Variants in ABCA8 observed in about 807,000 individuals in gnomAD.
ABCA8 encodes ATP binding cassette subfamily A member 8, also known as ABC-type organic anion transporter ABCA8.
ABCA8 carries 177 observed loss-of-function variants against 192.3 expected under a neutral mutation model. That is an observed-to-expected ratio of 0.92 (90% confidence interval 0.81 to 1.04). ABCA8 has a LOEUF of 1.04. ABCA8 is among the 50% of genes least tolerant of loss of function. The pLI is 0.00. For synonymous variants in ABCA8, 642 were observed against 690.2 expected, an observed-to-expected ratio of 0.93 and a Z score of 1.09; for missense variants, 1,915 against 1,904.8, an observed-to-expected ratio of 1.01 and a Z score of -0.10.
intron 4 of ABCA8, among the ~76,000 whole-genome samples, chr17:68,939,335 C>G (rs765112615): frequency 6.6e-6 from 1 of 152,118 alleles, no homozygotes; most frequent in Non-Finnish European, 1.5e-5. Context: ...ATTTGGGATA[C>G]TTCCCTTCCT....
At chr17:68,887,911 T>TATATATATATCC (rs1555607400) in intron 24 of ABCA8, among the ~76,000 whole-genome samples, 4 of 19,958 alleles carry the variant, frequency 2.0e-4, no homozygotes, top group African/African-American at 3.2e-4. Flanking sequence ...TATATATCCA[T>TATATATATATCC]ATATATATAT....
intron 24 of ABCA8, among the ~76,000 whole-genome samples, chr17:68,890,621 C>T (rs1449827356): frequency 6.6e-6 from 1 of 152,142 alleles, no homozygotes; most frequent in South Asian, 2.1e-4. Context: ...CAGGTTCAAG[C>T]GATTCTCCTG....
intron 2 of ABCA8, among the ~76,000 whole-genome samples, chr17:68,942,870 T>G (rs1275066712): frequency 6.6e-6 from 1 of 152,228 alleles, no homozygotes; most frequent in Non-Finnish European, 1.5e-5. Flanking sequence ...TTAATTACTA[T>G]GTAGTTTCTG....
chr17:68,952,345 A>C (rs1274522619), intron 1 of ABCA8, among the ~76,000 whole-genome samples: 1 of 151,950 alleles, frequency 6.6e-6, no homozygotes, highest in Non-Finnish European at 1.5e-5. Context: ...CAGCCTCCCG[A>C]GTAGCTGGGA....
intron 24 of ABCA8, among the ~76,000 whole-genome samples, chr17:68,888,916 T>TAAATATTACATAGAGGAATGAGAATCTCC (rs2066559837): frequency 6.6e-6 from 1 of 152,128 alleles, no homozygotes; most frequent in African/African-American, 2.4e-5. Context: ...TTCCAAAATT[T>TAAATATTACATAGAGGAATGAGAATCTCC]AAATATTACA....
chr17:68,919,805 G>A (rs749239470), intron 13 of ABCA8: 25 of 174,154 alleles, frequency 1.4e-4, no homozygotes, highest in Non-Finnish European at 2.6e-4. Context: ...GGATCATTGG[G>A]TGAAGAATCC....
rs531090566 is a variant in ABCA8, at chr17:68,868,530, T to G, written c.4712-174A>C. ...AATACACCAATGCATTTACTTAGGT[T>G]TGGGAGAAAAAGCGCTTGAATTATG... On this transcript the variant is annotated intron_variant, in intron 38 of 39. Transcript: ENST00000586539. Among the ~76,000 whole-genome samples the G allele has an allele frequency of 4.3e-4, 66 of 152,254 alleles. 1 individual carries two copies. The highest frequency in any genetic ancestry group is 3.4e-3 in the Middle Eastern group (1 of 294).
At chr17:68,908,879 C>T (rs1187090768) in intron 17 of ABCA8, among the ~76,000 whole-genome samples, 3 of 152,054 alleles carry the variant, frequency 2.0e-5, no homozygotes, top group Non-Finnish European at 4.4e-5. Context: ...TAGGGTTATT[C>T]GAACAATGGA....
Position 68,906,047 on chromosome 17 carries a change from A to C in ABCA8, c.2395T>G (p.Ser799Ala). ...KLEGKSTINE[S>A]DIAILGEVQA... ...AATTTTCATGCATTTTATTTACCCG[A>C]TTCATTAATTGTAGATTTTCCTTCT... Residue 799 changes from serine to alanine, a missense_variant, in exon 19 of 40, where the codon TCG becomes GCG. Ser to Ala is a moderately conservative substitution (Grantham distance 99). Transcript: ENST00000586539. 2 of 1,584,490 alleles carry C rather than the reference A, an allele frequency of 1.3e-6. No individual in the cohort carries two copies. Among genetic ancestry groups the C allele is most frequent in the South Asian group, 2.3e-5 (2 of 85,962 alleles).
chr17:68,918,494 G>A lies in ABCA8; in HGVS notation c.1841C>T (p.Ala614Val), dbSNP rs111269415. ...TTTCTGTCCACCACTTAAGTTTTGA[G>A]CAAGAACATCCTGAATATTTTTCAT... ...LEMKNIQDVL[A>V]QNLSGGQKRK... Residue 614 changes from alanine (A) to valine (V), a missense_variant, in exon 15 of 40, where the codon GCT (alanine) becomes GTT (valine). Coordinates refer to ENST00000586539, the MANE Select transcript of ABCA8 (RefSeq NM_001288985.2). The A allele has an allele frequency of 1.6e-5, 24 of 1,539,998 alleles. No homozygotes were observed. Among genetic ancestry groups the A allele is most frequent in the African/African-American group, 1.4e-4 (10 of 72,838 alleles).
chr17:68,921,796 T>C (rs2067540082), intron 12 of ABCA8, among the ~76,000 whole-genome samples: 1 of 152,182 alleles, frequency 6.6e-6, no homozygotes, highest in Admixed American at 6.5e-5. Flanking sequence ...AATGTTAGTA[T>C]TTATTAAATG....
intron 10 of ABCA8, among the ~76,000 whole-genome samples, chr17:68,925,091 T>A (rs1258617862): frequency 6.6e-6 from 1 of 152,232 alleles, no homozygotes; most frequent in African/African-American, 2.4e-5. Context: ...CTGTGATTTT[T>A]AAATATTTCA....
chr17:68,868,054 G>A lies in ABCA8; in HGVS notation c.*31C>T, dbSNP rs759754265. On this transcript the variant is annotated 3_prime_UTR_variant, in exon 40 of 40. Transcript: ENST00000586539. ...AATAAATGTATTTAAAAAAAACCACGGGTTTAAACAGGAACACAGAATTTG... is the reference window on the plus strand; with the variant it reads ...AATAAATGTATTTAAAAAAAACCACAGGTTTAAACAGGAACACAGAATTTG... 2.7e-6 allele frequency: 4 copies of A among 1,485,668 alleles called. No individual in the cohort carries two copies. Among genetic ancestry groups the A allele is most frequent in the Middle Eastern group, 2.0e-4 (1 of 4,950 alleles). The allele number at this position is 1,485,668 out of a possible 1,614,324, so 92.0% of individuals were successfully genotyped here. A position where few individuals can be genotyped will look rare whatever the true frequency, so the allele number is the denominator to read the frequency against.
At chr17:68,930,291 C>T (rs1210070161) in intron 7 of ABCA8, among the ~76,000 whole-genome samples, 3 of 152,262 alleles carry the variant, frequency 2.0e-5, no homozygotes, top group East Asian at 3.9e-4. Context: ...GTAATTTGGT[C>T]ATGTCACTCC....
intron 1 of ABCA8, among the ~76,000 whole-genome samples, chr17:68,952,245 G>A (rs926387284): frequency 2.0e-5 from 3 of 152,092 alleles, no homozygotes; most frequent in Non-Finnish European, 4.4e-5. Context: ...TTGAGATGGA[G>A]TCTCGCTCTG....
intron 18 of ABCA8, 34 bp downstream of exon 18, chr17:68,907,706 A>G (rs1298824711): frequency 6.6e-7 from 1 of 1,520,606 alleles, no homozygotes; most frequent in Non-Finnish European, 8.8e-7. Context: ...ACTATTATTC[A>G]CATATTTTAT....
rs867109979 is a variant in ABCA8 at position 68,930,622 on chromosome 17, T to G, written c.798-920A>C. ...ACATTAAAGCATTTTATTCTCCCAATAGCCCTATTCAGAATACCATTATTT... is the reference window on the plus strand; with the variant it reads ...ACATTAAAGCATTTTATTCTCCCAAGAGCCCTATTCAGAATACCATTATTT... On this transcript the variant is annotated intron_variant, in intron 7 of 39. Coordinates refer to ENST00000586539, the MANE Select transcript of ABCA8 (RefSeq NM_001288985.2). 3.9e-5 allele frequency among the ~76,000 whole-genome samples: 6 copies of G among 152,310 alleles called. No homozygotes were observed. The South Asian group carries it at 1.2e-3, about 32-fold the overall frequency.
At chr17:68,940,725 C>G in intron 4 of ABCA8, 33 bp downstream of exon 4, 6 of 1,560,856 alleles carry the variant, frequency 3.8e-6, no homozygotes, top group Non-Finnish European at 5.3e-6. Flanking sequence ...ATATTCACAC[C>G]AGACATTCTT....
chr17:68,930,690 T>C (rs952953318), intron 7 of ABCA8, among the ~76,000 whole-genome samples: 5 of 152,174 alleles, frequency 3.3e-5, no homozygotes, highest in African/African-American at 9.7e-5. Context: ...AAGGGTGTTA[T>C]GTAACTATGT....
Sources: allele counts gnomAD v4.1 joint callset (sites outside exome capture counted in the v4.1 genomes callset), GRCh38; gene constraint gnomAD v4.1.1; transcripts MANE v1.5; gene names NCBI Gene and HGNC (gene_info 2026-07-23, HGNC 2026-07-21).